Variants in RRAGD observed in about 807,000 individuals in gnomAD.
RRAGD encodes the protein Ras related GTP binding D.
RRAGD carries 12 observed loss-of-function variants against 35.5 expected under a neutral mutation model. The ratio of observed to expected loss-of-function variants is 0.34; its 90% CI spans 0.22 to 0.55. The LOEUF is 0.55. Among genes scored for constraint, RRAGD ranks in the 20% least tolerant of loss-of-function variants. The pLI is 0.91. For missense variants in RRAGD, 324 were observed against 490.1 expected, an observed-to-expected ratio of 0.66 and a Z score of 3.20; for synonymous variants, 155 against 178.9, an observed-to-expected ratio of 0.87 and a Z score of 1.07.
intron 2 of RRAGD, 146 bp downstream of exon 2, chr6:89,387,149 A>T: frequency 2.6e-6 from 2 of 772,050 alleles, no homozygotes; most frequent in Non-Finnish European, 4.1e-6. Flanking sequence ...GGAGCCTTTT[A>T]ACTTTGGCAA....
At position 89,384,136 on chromosome 6, in the gene RRAGD, C is replaced by A. The variant is rs376665231; in HGVS notation, c.444+3159G>T. ...AAAAAGAAAGAAAGGAAAGGACACT[C>A]AAGTGCTGTGGAGACACTTCCCTAA... On this transcript the variant is annotated intron_variant, in intron 2 of 6. Coordinates refer to ENST00000369415, the MANE Select transcript of RRAGD (RefSeq NM_021244.5). Among the ~76,000 whole-genome samples the A allele has an allele frequency of 9.9e-5, 15 of 151,888 alleles. No homozygotes were observed. In the East Asian group the frequency reaches 2.9e-3, roughly 29 times the overall value.
intron 1 of RRAGD, among the ~76,000 whole-genome samples, chr6:89,408,186 C>T (rs1023628164): frequency 6.6e-6 from 1 of 152,138 alleles, no homozygotes; most frequent in Non-Finnish European, 1.5e-5. Flanking sequence ...AAGGGGCTTA[C>T]ATTTCCATAT....
chr6:89,369,605 A>G (rs746752125), intron 6 of RRAGD, among the ~76,000 whole-genome samples: 5 of 151,920 alleles, frequency 3.3e-5, no homozygotes, highest in South Asian at 2.1e-4. Context: ...AGGTCTCACT[A>G]TGTTGCCCAG....
rs377345523 is a variant in RRAGD at position 89,392,422 on chromosome 6, G to A, written c.149-4832C>T. Among the ~76,000 whole-genome samples the A allele has an allele frequency of 5.3e-5, 8 of 150,026 alleles. 1 individual carries two copies. In the East Asian group the frequency reaches 1.2e-3, roughly 22 times the overall value. On this transcript the variant is annotated intron_variant, in intron 1 of 6. Coordinates refer to ENST00000369415, the MANE Select transcript of RRAGD (RefSeq NM_021244.5). ...TTAAGCCCAGGAGTTCAAGGCTGCCGTGAGCTTTGATTGCACTACTGCACT... is the reference window on the plus strand; with the variant it reads ...TTAAGCCCAGGAGTTCAAGGCTGCCATGAGCTTTGATTGCACTACTGCACT...
chr6:89,402,038 A>ATTTTTTTTTTTTTTTTTTTT lies in RRAGD; in HGVS notation c.148+9788_148+9807dup, dbSNP rs71556520. 2.5e-5 allele frequency among the ~76,000 whole-genome samples: 2 copies of ATTTTTTTTTTTTTTTTTTTT among 78,440 alleles called. 1 individual carries two copies. The highest frequency in any genetic ancestry group is 9.1e-4 in the East Asian group (2 of 2,206). 51.5% of individuals were successfully genotyped at this position (78,440 alleles called of 152,430 possible). ...TGAAAGCACTGAGGAAATCCTAAGGATTTTTTTTTTTTTTTTTTTTTTGGT... is the reference window on the plus strand; with the variant it reads ...TGAAAGCACTGAGGAAATCCTAAGGATTTTTTTTTTTTTTTTTTTTTTTTTTTTTTTTTTTTTTTTTTGGT... On this transcript the variant is annotated intron_variant, in intron 1 of 6. Coordinates refer to ENST00000369415, the MANE Select transcript of RRAGD (RefSeq NM_021244.5).
In RRAGD at chr6:89,372,537, G is replaced by A. The variant is rs376779734; in HGVS notation, c.951C>T (p.Ala317=). The A allele has an allele frequency of 3.8e-5, 61 of 1,591,310 alleles. No individual in the cohort carries two copies. The Admixed American group carries it at 4.5e-4, about 12-fold the overall frequency. ...CGGTTGTATTATTAAGCTTTATGAT[G>A]GCTGTGGATTCCTTGTCATAGGGGG... The part of the protein sequence containing the change: ...AGTPYDKEST[A]IIKLNNTTVL... Residue 317 remains alanine (A), a synonymous_variant, in exon 6 of 7, where the codon GCC becomes GCT. Coordinates refer to ENST00000369415, the MANE Select transcript of RRAGD (RefSeq NM_021244.5).
At chr6:89,387,183 A>G (rs1769150926) in intron 2 of RRAGD, 112 bp downstream of exon 2, 1 of 1,102,224 alleles carries the variant, frequency 9.1e-7, no homozygotes, top group Non-Finnish European at 1.3e-6. Flanking sequence ...TGACCAAGAA[A>G]CACTTGTTTG....
chr6:89,389,877 A>G (rs1236086284), intron 1 of RRAGD, among the ~76,000 whole-genome samples: 1 of 152,248 alleles, frequency 6.6e-6, no homozygotes, highest in Non-Finnish European at 1.5e-5. Context: ...ATGAAAATAA[A>G]CATCTCATAG....
intron 1 of RRAGD, among the ~76,000 whole-genome samples, chr6:89,403,306 A>T (rs13220720): frequency 1.1e-4 from 17 of 151,946 alleles, no homozygotes; most frequent in African/African-American, 4.1e-4. Flanking sequence ...TTAGCTGGGC[A>T]TGGTGGCGGG....
chr6:89,382,924 T>C (rs1769073932), intron 2 of RRAGD, among the ~76,000 whole-genome samples: 2 of 151,984 alleles, frequency 1.3e-5, no homozygotes, highest in Admixed American at 6.6e-5. Context: ...AAATGTCGGA[T>C]TCTGGGTCAG....
rs779594422 is a variant in RRAGD, at chr6:89,411,799, G to A, written c.148+47C>T. Reference sequence around the variant, plus strand: ...CGGGCTGGGGGCGGGAAGGCGCCAAGGGGAGGAAAGGGGCGCGAGCCGAGG... The same window carrying A: ...CGGGCTGGGGGCGGGAAGGCGCCAAAGGGAGGAAAGGGGCGCGAGCCGAGG... On this transcript the variant is annotated intron_variant, in intron 1 of 6. Transcript: ENST00000369415. The surrounding 1 kb of genome is among the most constrained non-coding windows in gnomAD (Gnocchi z 5.6). The A allele has an allele frequency of 9.2e-6, 14 of 1,521,298 alleles. No individual in the cohort carries two copies. The East Asian group carries it at 3.5e-4, about 38-fold the overall frequency. 94.2% of individuals were successfully genotyped at this position (1,521,298 alleles called of 1,614,324 possible).
chr6:89,393,181 G>A (rs1467083872), intron 1 of RRAGD, among the ~76,000 whole-genome samples: 3 of 152,288 alleles, frequency 2.0e-5, no homozygotes, highest in African/African-American at 7.2e-5. Context: ...GGTGCACAAT[G>A]AAACATGGAT....
intron 6 of RRAGD, among the ~76,000 whole-genome samples, chr6:89,370,827 A>C (rs1432617191): frequency 1.3e-5 from 2 of 152,200 alleles, no homozygotes; most frequent in Non-Finnish European, 2.9e-5. Flanking sequence ...TAGAAAATGC[A>C]TATGCAAGAA....
Position 89,387,578 on chromosome 6 carries a change from C to T in RRAGD, c.161G>A (p.Ser54Asn). Residue 54 changes from serine to asparagine, a missense_variant, in exon 2 of 7, where the codon AGT (serine) becomes AAT (asparagine). Coordinates refer to ENST00000369415, the MANE Select transcript of RRAGD (RefSeq NM_021244.5). The stretch of plus-strand genomic sequence containing the variant: ...CTTCACTTCAGTGCTGAAGGGGTCA[C>T]TGAAGTCCAGAACTGGAGAAACCAC... ...SGTEEGVLDF[S>N]DPFSTEVKPR... The T allele has an allele frequency of 6.2e-7, 1 of 1,612,702 alleles. No homozygotes were observed. Among genetic ancestry groups the T allele is most frequent in the Non-Finnish European group, 8.5e-7 (1 of 1,179,172 alleles).
intron 1 of RRAGD, among the ~76,000 whole-genome samples, chr6:89,405,547 C>T (rs1425415495): frequency 2.0e-5 from 3 of 151,860 alleles, no homozygotes; most frequent in Non-Finnish European, 4.4e-5. Context: ...CGCATACACA[C>T]GGACACACAC....
intron 1 of RRAGD, among the ~76,000 whole-genome samples, chr6:89,403,775 C>G (rs541423923): frequency 6.6e-6 from 1 of 151,950 alleles, no homozygotes; most frequent in African/African-American, 2.4e-5. Flanking sequence ...GCGAGGACTA[C>G]AGGCACACAC....
At chr6:89,378,003 A>G (rs1324987699) in intron 4 of RRAGD, among the ~76,000 whole-genome samples, 190 bp from the exon 5 acceptor site, 1 of 152,234 alleles carries the variant, frequency 6.6e-6, no homozygotes, top group Non-Finnish European at 1.5e-5. Flanking sequence ...CTGGACTTGC[A>G]TAAGAAATAA....
chr6:89,396,014 G>A (rs1769325704), intron 1 of RRAGD, among the ~76,000 whole-genome samples: 1 of 151,360 alleles, frequency 6.6e-6, no homozygotes, highest in African/African-American at 2.4e-5. Flanking sequence ...AATTGGTCTT[G>A]GTCTAACTGT....
At chr6:89,389,011 G>A (rs908271295) in intron 1 of RRAGD, among the ~76,000 whole-genome samples, 2 of 152,196 alleles carry the variant, frequency 1.3e-5, no homozygotes, top group Non-Finnish European at 1.5e-5. Context: ...GAGCAATGGG[G>A]AGTGGCTGTA....
Sources: gnomAD v4.1 joint callset for allele counts (sites outside exome capture counted in the v4.1 genomes callset) on GRCh38, gnomAD v4.1.1 for gene constraint, Gnocchi (gnomAD v3.1) non-coding constraint, MANE v1.5 for transcripts, NCBI Gene and HGNC (gene_info 2026-07-23, HGNC 2026-07-21) for gene names.